PGPEP1: variants seen among roughly 807,000 people sequenced by gnomAD.
The protein encoded by PGPEP1 is pyroglutamyl-peptidase I.
A neutral mutation model predicts 24.1 loss-of-function variants in PGPEP1; 15 were observed. The ratio of observed to expected loss-of-function variants is 0.62; its 90% CI spans 0.42 to 0.96. PGPEP1 has a LOEUF of 0.96. PGPEP1 is among the 40% of genes least tolerant of loss of function. The probability of loss-of-function intolerance (pLI) is 0.00; values close to 1 mark genes in which losing one functional copy is unlikely to be tolerated. For missense variants in PGPEP1, 242 were observed against 273.4 expected, an observed-to-expected ratio of 0.89 and a Z score of 0.81; for synonymous variants, 122 against 116.4, an observed-to-expected ratio of 1.05 and a Z score of -0.31.
intron 3 of PGPEP1, among the ~76,000 whole-genome samples, 173 bp downstream of exon 3, chr19:18,356,184 G>A (rs1371226182): frequency 1.3e-5 from 2 of 152,214 alleles, no homozygotes; most frequent in Non-Finnish European, 2.9e-5. Context: ...TGTAATCCCA[G>A]CACGTTGGGA....
chr19:18,366,909 T>A lies in PGPEP1; in HGVS notation c.*3326T>A, dbSNP rs574134866. 27 of 152,170 alleles carry A rather than the reference T, an allele frequency of 1.8e-4. No individual in the cohort carries two copies. Among genetic ancestry groups the A allele is most frequent in the African/African-American group, 6.5e-4 (27 of 41,498 alleles). 9.4% of individuals were successfully genotyped at this position (152,170 alleles called of 1,614,324 possible). A position where few individuals can be genotyped will look rare whatever the true frequency, so the allele number is the denominator to read the frequency against. On this transcript the variant is annotated 3_prime_UTR_variant, in exon 5 of 5. Coordinates refer to ENST00000269919, the MANE Select transcript of PGPEP1 (RefSeq NM_017712.4). ...TTACTCACACCTGTAATCCTAGCAC[T>A]TTGGGAGGTTGAGGCAGGAGAATCC...
chr19:18,346,217 G>A (rs1970840502), intron 2 of PGPEP1, among the ~76,000 whole-genome samples: 1 of 152,088 alleles, frequency 6.6e-6, no homozygotes, highest in South Asian at 2.1e-4. Flanking sequence ...CCACACCTCT[G>A]CGAGAACCGC....
intron 4 of PGPEP1, chr19:18,357,838 C>T (rs1309224054): frequency 3.6e-6 from 2 of 560,664 alleles, no homozygotes; most frequent in Non-Finnish European, 6.4e-6. Flanking sequence ...CCACCAAGGC[C>T]CCCAGCATCT....
Position 18,367,953 on chromosome 19 carries a change from A to AC in PGPEP1, c.*4374dup, listed in dbSNP as rs1971601734. The AC allele has an allele frequency of 6.6e-6, 1 of 150,962 alleles. No individual in the cohort carries two copies. Among genetic ancestry groups the AC allele is most frequent in the Admixed American group, 6.6e-5 (1 of 15,060 alleles). 9.4% of individuals were successfully genotyped at this position (150,962 alleles called of 1,614,324 possible). A position where few individuals can be genotyped will look rare whatever the true frequency, so the allele number is the denominator to read the frequency against. ...GACCAGCCCTGGGCAACATGGCGAG[A>AC]CCCCATCTCTACAGAAATTAAAAAA... On this transcript the variant is annotated 3_prime_UTR_variant, in exon 5 of 5. Transcript: ENST00000269919.
chr19:18,349,079 GC>G (rs1474660671), intron 2 of PGPEP1: 1 of 983,904 alleles, frequency 1.0e-6, no homozygotes, highest in Non-Finnish European at 1.2e-6. Context: ...GTGGGTCTTG[GC>G]AAACACACAC....
intron 2 of PGPEP1, among the ~76,000 whole-genome samples, chr19:18,344,956 T>G (rs1223476675): frequency 6.6e-6 from 1 of 151,406 alleles, no homozygotes; most frequent in East Asian, 1.9e-4. Context: ...GAAATAGCCC[T>G]TCTCCTTGGT....
chr19:18,340,628 A>C lies in PGPEP1; in HGVS notation c.-54A>C, dbSNP rs867271277. ...GCGGCCGAGAGGCTGCAGCGGCAGC[A>C]GCTGTCGCGCCAGTCGCAACAGAAG... On this transcript the variant is annotated 5_prime_UTR_variant, in exon 1 of 5. Transcript: ENST00000269919. 9 of 1,479,882 alleles carry C rather than the reference A, an allele frequency of 6.1e-6. No homozygotes were observed. The highest frequency in any genetic ancestry group is 8.1e-6 in the Non-Finnish European group (9 of 1,109,272). The allele number at this position is 1,479,882 out of a possible 1,614,324, so 91.7% of individuals were successfully genotyped here.
intron 2 of PGPEP1, among the ~76,000 whole-genome samples, chr19:18,345,359 C>T (rs2144531288): frequency 6.6e-6 from 1 of 152,076 alleles, no homozygotes; most frequent in African/African-American, 2.4e-5. Context: ...ATTCGCCTGC[C>T]AAAAAGATGC....
In PGPEP1 at chr19:18,369,728, G is replaced by C. The variant is rs147967130; in HGVS notation, c.*6145G>C. On this transcript the variant is annotated 3_prime_UTR_variant, in exon 5 of 5. Transcript: ENST00000269919. ...TAGGAAAAAACCCTTCCCTGCCAAAGGTGACTGTGTTTTCTGCCGCCGAAG... is the reference window on the plus strand; with the variant it reads ...TAGGAAAAAACCCTTCCCTGCCAAACGTGACTGTGTTTTCTGCCGCCGAAG... 6.6e-6 allele frequency: 1 copy of C among 152,086 alleles called. No homozygotes were observed. The highest frequency in any genetic ancestry group is 1.5e-5 in the Non-Finnish European group (1 of 68,034). The allele number at this position is 152,086 out of a possible 1,614,324, so 9.4% of individuals were successfully genotyped here. A position where few individuals can be genotyped will look rare whatever the true frequency, so the allele number is the denominator to read the frequency against.
chr19:18,352,553 T>G (rs1370781712), intron 2 of PGPEP1, among the ~76,000 whole-genome samples: 3 of 151,706 alleles, frequency 2.0e-5, no homozygotes, highest in African/African-American at 7.3e-5. Context: ...TTGAAAAATA[T>G]AATTGTCTTT....
In PGPEP1 at chr19:18,364,868, C is replaced by A. The variant is rs537579965; in HGVS notation, c.*1285C>A. On this transcript the variant is annotated 3_prime_UTR_variant, in exon 5 of 5. Transcript: ENST00000269919. Reference sequence around the variant, plus strand: ...TAAAACTCCACATCAGCGGAAACCCCCCCCTACTTCTGGCCTGGAGCTTCA... The same window carrying A: ...TAAAACTCCACATCAGCGGAAACCCACCCCTACTTCTGGCCTGGAGCTTCA... 9 of 152,006 alleles carry A rather than the reference C, an allele frequency of 5.9e-5. No homozygotes were observed. Among genetic ancestry groups the A allele is most frequent in the African/African-American group, 2.2e-4 (9 of 41,450 alleles). The allele number at this position is 152,006 out of a possible 1,614,324, so 9.4% of individuals were successfully genotyped here.
chr19:18,363,779 T>G lies in PGPEP1; in HGVS notation c.*196T>G. On this transcript the variant is annotated 3_prime_UTR_variant, in exon 5 of 5. Transcript: ENST00000269919. Reference sequence around the variant, plus strand: ...TGATTCGAGGGAAGTGGTGAAAATTTTTTTTTCTCCCATTTTCCTCCCTGC... The same window carrying G: ...TGATTCGAGGGAAGTGGTGAAAATTGTTTTTTCTCCCATTTTCCTCCCTGC... 2.0e-6 allele frequency: 1 copy of G among 494,120 alleles called. No homozygotes were observed. Among genetic ancestry groups the G allele is most frequent in the Non-Finnish European group, 3.6e-6 (1 of 278,834 alleles). 30.6% of individuals were successfully genotyped at this position (494,120 alleles called of 1,614,324 possible).
chr19:18,355,290 C>T (rs769211580), intron 2 of PGPEP1, among the ~76,000 whole-genome samples: 5 of 140,366 alleles, frequency 3.6e-5, no homozygotes, highest in African/African-American at 1.3e-4. Context: ...GATGGAGTTT[C>T]GCTCTTGTTG....
chr19:18,355,744 G>A (rs1252972714), intron 2 of PGPEP1, 151 bp from the exon 3 acceptor site: 2 of 576,168 alleles, frequency 3.5e-6, no homozygotes, highest in Admixed American at 2.6e-5. Flanking sequence ...GGTGGGGAAG[G>A]AAATGAGGGG....
intron 2 of PGPEP1, among the ~76,000 whole-genome samples, chr19:18,347,964 C>A (rs1237041022): frequency 6.6e-6 from 1 of 152,152 alleles, no homozygotes; most frequent in Non-Finnish European, 1.5e-5. Flanking sequence ...TTCTCTTTGT[C>A]CCCTGGGTGA....
intron 2 of PGPEP1, among the ~76,000 whole-genome samples, chr19:18,351,894 G>C (rs954038021): frequency 3.3e-5 from 5 of 151,882 alleles, no homozygotes; most frequent in East Asian, 1.9e-4. Context: ...AGAGGCCAAG[G>C]GGGGGCTGAT....
intron 4 of PGPEP1, 50 bp from the exon 5 acceptor site, chr19:18,363,341 C>A: frequency 1.3e-6 from 2 of 1,526,106 alleles, no homozygotes; most frequent in South Asian, 1.2e-5. Flanking sequence ...CGGATTGCCC[C>A]TCTGACCCCG....
rs960257991 is a variant in PGPEP1 at position 18,369,165 on chromosome 19, G to A, written c.*5582G>A. The A allele has an allele frequency of 4.6e-5, 7 of 152,346 alleles. No homozygotes were observed. The highest frequency in any genetic ancestry group is 1.7e-4 in the African/African-American group (7 of 41,454). 9.4% of individuals were successfully genotyped at this position (152,346 alleles called of 1,614,324 possible). On this transcript the variant is annotated 3_prime_UTR_variant, in exon 5 of 5. Transcript: ENST00000269919. ...GAAAGCTAATTCCCGGGTGGACGCTGAACATACCTGCTGAGAGACTCTGTC... is the reference window on the plus strand; with the variant it reads ...GAAAGCTAATTCCCGGGTGGACGCTAAACATACCTGCTGAGAGACTCTGTC...
intron 3 of PGPEP1, among the ~76,000 whole-genome samples, chr19:18,356,803 C>G (rs1741633005): frequency 6.6e-6 from 1 of 151,770 alleles, no homozygotes; most frequent in Admixed American, 6.6e-5. Flanking sequence ...CTTTGGGATG[C>G]TGAGGCGGGT....
Sources: gnomAD v4.1 joint callset for allele counts (sites outside exome capture counted in the v4.1 genomes callset) on GRCh38, gnomAD v4.1.1 for gene constraint, MANE v1.5 for transcripts, NCBI Gene and HGNC (gene_info 2026-07-23, HGNC 2026-07-21) for gene names.